The following N4BP1 variants were observed in gnomAD, a reference collection of about 807,000 sequenced individuals.
N4BP1 encodes NEDD4 binding protein 1, also known as NEDD4-binding protein 1.
In N4BP1, 21 loss-of-function variants were observed where a neutral mutation model predicts 70.9. The ratio of observed to expected loss-of-function variants is 0.30; its 90% CI spans 0.21 to 0.43. The LOEUF is 0.43. Among genes scored for constraint, N4BP1 ranks in the 20% least tolerant of loss-of-function variants. N4BP1 has a pLI of 1.00. For missense variants in N4BP1, 936 were observed against 1,069.4 expected, an observed-to-expected ratio of 0.88 and a Z score of 1.74; for synonymous variants, 387 against 394.6, an observed-to-expected ratio of 0.98 and a Z score of 0.23.
At position 48,610,122 on chromosome 16, in the gene N4BP1, G is replaced by T; in HGVS notation, c.-150C>A. 4.4e-6 allele frequency: 1 copy of T among 226,312 alleles called. No homozygotes were observed. The highest frequency in any genetic ancestry group is 7.4e-6 in the Non-Finnish European group (1 of 134,928). The allele number at this position is 226,312 out of a possible 1,614,324, so 14.0% of individuals were successfully genotyped here. A position where few individuals can be genotyped will look rare whatever the true frequency, so the allele number is the denominator to read the frequency against. On this transcript the variant is annotated 5_prime_UTR_variant, in exon 1 of 7. Coordinates refer to ENST00000262384, the MANE Select transcript of N4BP1 (RefSeq NM_153029.4). ...CGCCCCGCCGCCCGCCCTCAGGCCCGGCTATACCATCCCGCCACGACCGCA... is the reference window on the plus strand; with the variant it reads ...CGCCCCGCCGCCCGCCCTCAGGCCCTGCTATACCATCCCGCCACGACCGCA...
chr16:48,576,074 T>C (rs113568359), intron 1 of N4BP1, among the ~76,000 whole-genome samples: 22 of 152,048 alleles, frequency 1.4e-4, no homozygotes, highest in Admixed American at 2.0e-4. Flanking sequence ...TAAGAGGTGT[T>C]CTGTATTATC....
At position 48,542,880 on chromosome 16, in the gene N4BP1, C is replaced by T. The variant is rs143735071; in HGVS notation, c.*24G>A. ...GAGTTTGATCAGCCAGCCCTGAGCG[C>T]AAGCTCAGCGCTCAGCACAATCTTC... On this transcript the variant is annotated 3_prime_UTR_variant, in exon 7 of 7. Transcript: ENST00000262384. 2.4e-5 allele frequency: 37 copies of T among 1,569,156 alleles called. No individual in the cohort carries two copies. The African/African-American group carries it at 5.0e-4, about 21-fold the overall frequency.
chr16:48,563,771 G>T (rs936405825), intron 1 of N4BP1, among the ~76,000 whole-genome samples: 1 of 152,224 alleles, frequency 6.6e-6, no homozygotes, highest in African/African-American at 2.4e-5. Flanking sequence ...ATGCTGGCGT[G>T]AGCCACTGTG....
At chr16:48,590,350 G>A (rs1964316611) in intron 1 of N4BP1, among the ~76,000 whole-genome samples, 1 of 152,184 alleles carries the variant, frequency 6.6e-6, no homozygotes, top group African/African-American at 2.4e-5. Flanking sequence ...CGCTGGGGGA[G>A]AGGGTTTTGA....
chr16:48,564,206 G>C (rs1389690271), intron 1 of N4BP1, among the ~76,000 whole-genome samples: 2 of 152,096 alleles, frequency 1.3e-5, no homozygotes, highest in East Asian at 3.9e-4. Flanking sequence ...AGGGTGTTTT[G>C]TGACAGCAAG....
intron 1 of N4BP1, among the ~76,000 whole-genome samples, chr16:48,589,255 C>T (rs1964295085): frequency 6.6e-6 from 1 of 152,080 alleles, no homozygotes; most frequent in South Asian, 2.1e-4. Flanking sequence ...TGACTGGCAT[C>T]CATAGGTAGT....
intron 1 of N4BP1, among the ~76,000 whole-genome samples, chr16:48,583,349 T>TG (rs919633540): frequency 7.9e-5 from 12 of 152,186 alleles, no homozygotes; most frequent in Non-Finnish European, 1.5e-5. Flanking sequence ...CTAAAAAAGT[T>TG]GGTCTCCTAC....
chr16:48,570,639 G>A (rs200558969), intron 1 of N4BP1, among the ~76,000 whole-genome samples: 4 of 152,066 alleles, frequency 2.6e-5, no homozygotes, highest in Non-Finnish European at 5.9e-5. Context: ...ACGCCACTGC[G>A]CCCAGCTGGT....
chr16:48,573,514 A>T (rs2099966741), intron 1 of N4BP1, among the ~76,000 whole-genome samples: 1 of 152,106 alleles, frequency 6.6e-6, no homozygotes, highest in Non-Finnish European at 1.5e-5. Context: ...AATCACTTGA[A>T]CCTGGGAGGC....
chr16:48,595,752 G>C (rs1339624096), intron 1 of N4BP1, among the ~76,000 whole-genome samples: 2 of 152,164 alleles, frequency 1.3e-5, no homozygotes, highest in African/African-American at 2.4e-5. Context: ...TTGACTTATA[G>C]AGCCAACCAA....
rs574969519 is a variant in N4BP1, at chr16:48,596,894, G to A, written c.198+12881C>T. ...CCCCAAATTGCTCCTGGGGATAACA[G>A]TACTAAGATCAGTAGTTGAGATATT... On this transcript the variant is annotated intron_variant, in intron 1 of 6. Transcript: ENST00000262384. Among the ~76,000 whole-genome samples, 13 of 152,266 alleles carry A rather than the reference G, an allele frequency of 8.5e-5. No individual in the cohort carries two copies. In the South Asian group the frequency reaches 2.7e-3, roughly 32 times the overall value.
chr16:48,572,989 GT>G (rs929020876), intron 1 of N4BP1, among the ~76,000 whole-genome samples: 2 of 151,668 alleles, frequency 1.3e-5, no homozygotes, highest in African/African-American at 2.4e-5. Flanking sequence ...GTGCATGTCT[GT>G]AGTAGCAGCT....
At position 48,588,440 on chromosome 16, in the gene N4BP1, A is replaced by G. The variant is rs185064974; in HGVS notation, c.198+21335T>C. 5.7e-4 allele frequency among the ~76,000 whole-genome samples: 87 copies of G among 151,944 alleles called. 1 individual carries two copies. The East Asian group carries it at 0.012, about 21-fold the overall frequency. ...CTCCCAAGTAGTTGGGATTACAGGC[A>G]CCCGCCACCATGCCTGGCTAATTTT... On this transcript the variant is annotated intron_variant, in intron 1 of 6. Coordinates refer to ENST00000262384, the MANE Select transcript of N4BP1 (RefSeq NM_153029.4).
intron 1 of N4BP1, among the ~76,000 whole-genome samples, chr16:48,567,661 T>C (rs1332144636): frequency 6.6e-6 from 1 of 152,206 alleles, no homozygotes; most frequent in Non-Finnish European, 1.5e-5. Flanking sequence ...AGTTTTTAAG[T>C]GGTGATGCCA....
At chr16:48,574,192 TTC>T (rs1279619582) in intron 1 of N4BP1, among the ~76,000 whole-genome samples, 1 of 152,198 alleles carries the variant, frequency 6.6e-6, no homozygotes, top group African/African-American at 2.4e-5. Flanking sequence ...CTACTTGATT[TTC>T]TGTTTTAAAC....
chr16:48,579,983 G>A (rs1048705728), intron 1 of N4BP1, among the ~76,000 whole-genome samples: 1 of 151,960 alleles, frequency 6.6e-6, no homozygotes, highest in Admixed American at 6.6e-5. Context: ...TAGATTTGAA[G>A]GGATAGACTA....
intron 1 of N4BP1, among the ~76,000 whole-genome samples, chr16:48,599,998 T>C (rs1211773741): frequency 1.3e-5 from 2 of 152,186 alleles, no homozygotes; most frequent in African/African-American, 2.4e-5. Context: ...CATTACCTAA[T>C]AGAGATACAT....
chr16:48,549,141 G>T (rs1223191067), intron 4 of N4BP1, among the ~76,000 whole-genome samples: 1 of 152,156 alleles, frequency 6.6e-6, no homozygotes, highest in African/African-American at 2.4e-5. Flanking sequence ...TAAATTAAGG[G>T]ACTCACTGGA....
chr16:48,550,745 C>T (rs1295537528), intron 4 of N4BP1, among the ~76,000 whole-genome samples: 1 of 151,802 alleles, frequency 6.6e-6, no homozygotes, highest in African/African-American at 2.4e-5. Flanking sequence ...CTCACTGCAA[C>T]CTGCTAAACT....
Sources: gnomAD v4.1 joint callset for allele counts (sites outside exome capture counted in the v4.1 genomes callset) on GRCh38, gnomAD v4.1.1 for gene constraint, MANE v1.5 for transcripts, NCBI Gene and HGNC (gene_info 2026-07-23, HGNC 2026-07-21) for gene names.